Variants in FBXO25 observed in about 807,000 individuals in gnomAD.
FBXO25 encodes F-box protein 25.
FBXO25 carries 45 observed loss-of-function variants against 51.9 expected under a neutral mutation model. The observed-to-expected ratio is 0.87, with a 90% CI of 0.68 to 1.11. The LOEUF is 1.11. FBXO25 is among the 50% of genes most tolerant of loss of function. The probability of loss-of-function intolerance (pLI) is 0.00; values close to 1 mark genes in which losing one functional copy is unlikely to be tolerated. For synonymous variants in FBXO25, 199 were observed against 151.0 expected, an observed-to-expected ratio of 1.32 and a Z score of -2.33; for missense variants, 507 against 428.5, an observed-to-expected ratio of 1.18 and a Z score of -1.62.
chr8:408,338 A>AC (rs2117375764), intron 1 of FBXO25, among the ~76,000 whole-genome samples: 1 of 151,708 alleles, frequency 6.6e-6, no homozygotes, highest in Non-Finnish European at 1.5e-5. Context: ...AAAAAAAAAA[A>AC]GTTAAAAAGC....
chr8:426,004 T>G (rs573648388), intron 2 of FBXO25, among the ~76,000 whole-genome samples: 1 of 152,126 alleles, frequency 6.6e-6, no homozygotes, highest in South Asian at 2.1e-4. Flanking sequence ...GACACCCCAG[T>G]CCCAGTTGGC....
At chr8:460,756 A>C (rs1436569282) in intron 8 of FBXO25, among the ~76,000 whole-genome samples, 1 of 152,268 alleles carries the variant, frequency 6.6e-6, no homozygotes, top group Non-Finnish European at 1.5e-5. Context: ...TCTAGGAACT[A>C]TTGTTTTAAC....
chr8:446,044 G>C (rs112389535), intron 5 of FBXO25, among the ~76,000 whole-genome samples: 19,441 of 151,842 alleles, frequency 0.13, 1,755 homozygotes, highest in African/African-American at 0.26. Context: ...CTGGTGTCTG[G>C]TGGGATGGAG....
chr8:431,239 CCA>C, intron 2 of FBXO25, 100 bp from the exon 3 acceptor site: 1 of 616,494 alleles, frequency 1.6e-6, no homozygotes, highest in Non-Finnish European at 2.8e-6. Flanking sequence ...GATTTCAAGC[CCA>C]CAGTCTGTCA....
intron 6 of FBXO25, among the ~76,000 whole-genome samples, chr8:450,426 C>T (rs1799006119): frequency 6.6e-6 from 1 of 152,198 alleles, no homozygotes; most frequent in Admixed American, 6.5e-5. Context: ...CTCACTTAGG[C>T]ATCAGATAAG....
intron 2 of FBXO25, 138 bp from the exon 3 acceptor site, chr8:431,202 CA>C (rs1797800705): frequency 2.0e-6 from 1 of 496,412 alleles, no homozygotes; most frequent in African/African-American, 2.0e-5. Flanking sequence ...CAAAATGAAA[CA>C]AAAATGTATT....
At chr8:435,330 C>G (rs930353284) in intron 4 of FBXO25, 4 of 421,390 alleles carry the variant, frequency 9.5e-6, no homozygotes, top group Admixed American at 4.4e-5. Flanking sequence ...CAGTTTGTCC[C>G]CAACAAAACA....
At chr8:411,114 C>G (rs1355736259) in intron 1 of FBXO25, among the ~76,000 whole-genome samples, 3 of 152,108 alleles carry the variant, frequency 2.0e-5, no homozygotes, top group Non-Finnish European at 4.4e-5. Context: ...ACATTTTTCT[C>G]TACGATATAA....
intron 1 of FBXO25, among the ~76,000 whole-genome samples, chr8:412,353 T>C (rs1156292367): frequency 6.6e-6 from 1 of 152,194 alleles, no homozygotes. Context: ...TTTGACTCTG[T>C]TTCCTAAATA....
At chr8:459,833 TG>T (rs1038243537) in intron 8 of FBXO25, among the ~76,000 whole-genome samples, 5 of 151,996 alleles carry the variant, frequency 3.3e-5, no homozygotes, top group African/African-American at 1.2e-4. Context: ...CCCCAGAACC[TG>T]GGGGGAGCTG....
At chr8:435,530 T>G (rs1798051447) in intron 4 of FBXO25, 85 bp from the exon 5 acceptor site, 5 of 1,394,164 alleles carry the variant, frequency 3.6e-6, no homozygotes, top group African/African-American at 2.9e-5. Flanking sequence ...TGCCAAAAAT[T>G]TTTTTAATCG....
At chr8:419,687 A>G (rs568746619) in intron 2 of FBXO25, among the ~76,000 whole-genome samples, 5 of 152,332 alleles carry the variant, frequency 3.3e-5, no homozygotes, top group Admixed American at 1.3e-4. Context: ...ACCTAAATGT[A>G]GAATGTAAAA....
At chr8:465,762 A>G (rs1012642080) in intron 9 of FBXO25, among the ~76,000 whole-genome samples, 4 of 152,180 alleles carry the variant, frequency 2.6e-5, no homozygotes, top group Non-Finnish European at 4.4e-5. Context: ...TCACTGCTCA[A>G]AAGTTTGGGA....
intron 3 of FBXO25, among the ~76,000 whole-genome samples, chr8:432,198 G>A (rs897403135): frequency 3.3e-5 from 5 of 152,146 alleles, no homozygotes; most frequent in East Asian, 1.9e-4. Context: ...CAGGTGATCC[G>A]ATAACCAAGA....
At position 441,390 on chromosome 8, in the gene FBXO25, A is replaced by G. The variant is rs181585668; in HGVS notation, c.381+5683A>G. Among the ~76,000 whole-genome samples, 9 of 152,308 alleles carry G rather than the reference A, an allele frequency of 5.9e-5. No individual in the cohort carries two copies. In the South Asian group the frequency reaches 1.7e-3, roughly 28 times the overall value. ...CTCAAGATGGATTAAAGACTTAAAC[A>G]TAAGACCTAAAACCATAAAAACCCT... is the stretch of plus-strand genomic sequence containing the variant. On this transcript the variant is annotated intron_variant, in intron 5 of 9. Coordinates refer to ENST00000350302, the MANE Select transcript of FBXO25 (RefSeq NM_183420.2).
At chr8:460,487 A>G (rs1167876809) in intron 8 of FBXO25, among the ~76,000 whole-genome samples, 1 of 152,250 alleles carries the variant, frequency 6.6e-6, no homozygotes, top group Non-Finnish European at 1.5e-5. Flanking sequence ...AGCTTTTATG[A>G]GAAAGCTTAG....
intron 2 of FBXO25, among the ~76,000 whole-genome samples, chr8:422,116 T>C (rs1455358637): frequency 6.6e-6 from 1 of 152,064 alleles, no homozygotes; most frequent in Non-Finnish European, 1.5e-5. Flanking sequence ...ATCTAACAGG[T>C]AAAAGAATTA....
intron 8 of FBXO25, among the ~76,000 whole-genome samples, chr8:462,291 G>A (rs1799865751): frequency 6.6e-6 from 1 of 152,204 alleles, no homozygotes; most frequent in African/African-American, 2.4e-5. Context: ...TTAGATAAAT[G>A]TCTTTGCATG....
In FBXO25 at chr8:450,063, T is replaced by A. The variant is rs1798982661; in HGVS notation, c.455T>A (p.Leu152Ter). Residue 152 changes from leucine to a stop codon, truncating the protein, a stop_gained, in exon 6 of 10, where the codon TTG becomes TAG. Coordinates refer to ENST00000350302, the MANE Select transcript of FBXO25 (RefSeq NM_183420.2). LOFTEE classifies it high-confidence loss of function. ...GVAQKNYFNI[L>*]DKIVQKVLDD... ...GCACAGAAGAATTACTTCAACATTT[T>A]GGATAAAATCGTTCAAAAGGGTAAG... The A allele has an allele frequency of 6.2e-7, 1 of 1,612,638 alleles. No homozygotes were observed. Among genetic ancestry groups the A allele is most frequent in the South Asian group, 1.1e-5 (1 of 90,722 alleles).
Sources: allele counts gnomAD v4.1 joint callset (sites outside exome capture counted in the v4.1 genomes callset), GRCh38; gene constraint gnomAD v4.1.1; transcripts MANE v1.5; gene names NCBI Gene and HGNC (gene_info 2026-07-23, HGNC 2026-07-21).